HCN1: variants seen among roughly 807,000 people sequenced by gnomAD.
The protein encoded by HCN1 is potassium/sodium hyperpolarization-activated cyclic nucleotide-gated channel 1.
Under a neutral mutation model 78.9 loss-of-function variants are expected in HCN1, and 13 were observed. That is an observed-to-expected ratio of 0.16 (90% confidence interval 0.11 to 0.26). The LOEUF is 0.26. Ranked by LOEUF, HCN1 falls within the 10% of genes least tolerant of loss-of-function variation. The probability of loss-of-function intolerance (pLI) is 1.00; values close to 1 mark genes in which losing one functional copy is unlikely to be tolerated. For missense variants in HCN1, 810 were observed against 1,154.3 expected, an observed-to-expected ratio of 0.70 and a Z score of 4.32; for synonymous variants, 552 against 455.5, an observed-to-expected ratio of 1.21 and a Z score of -2.70.
chr5:45,372,057 TAA>T, intron 4 of HCN1, among the ~76,000 whole-genome samples: 2 of 55,284 alleles, frequency 3.6e-5, no homozygotes, highest in African/African-American at 2.3e-4. Context: ...ATATATAATA[TAA>T]TTATATTATA....
chr5:45,480,174 C>G (rs1741617721), intron 2 of HCN1: 1 of 152,538 alleles, frequency 6.6e-6, no homozygotes, highest in African/African-American at 2.4e-5. Flanking sequence ...AAGTCCACAT[C>G]ACCAAATTGC....
At chr5:45,423,894 C>T (rs1362992129) in intron 3 of HCN1, among the ~76,000 whole-genome samples, 1 of 151,972 alleles carries the variant, frequency 6.6e-6, no homozygotes, top group African/African-American at 2.4e-5. Flanking sequence ...AGAGAAAGAA[C>T]TATGCTTATT....
chr5:45,450,382 A>G (rs1237067815), intron 3 of HCN1, among the ~76,000 whole-genome samples: 1 of 152,166 alleles, frequency 6.6e-6, no homozygotes, highest in East Asian at 1.9e-4. Context: ...AAGTAAGGAG[A>G]CTGTGGTCTT....
intron 4 of HCN1, 109 bp from the exon 5 acceptor site, chr5:45,353,355 A>T: frequency 2.4e-6 from 2 of 826,694 alleles, no homozygotes; most frequent in South Asian, 3.2e-5. Context: ...CAGTTACAAA[A>T]AAAAAGAAAT....
chr5:45,443,494 T>C (rs1019969604), intron 3 of HCN1, among the ~76,000 whole-genome samples: 1 of 152,074 alleles, frequency 6.6e-6, no homozygotes, highest in African/African-American at 2.4e-5. Flanking sequence ...CCTAAGTAAA[T>C]GTAATTTTAC....
intron 2 of HCN1, among the ~76,000 whole-genome samples, chr5:45,482,617 T>G (rs1422704823): frequency 6.6e-6 from 1 of 152,086 alleles, no homozygotes; most frequent in African/African-American, 2.4e-5. Flanking sequence ...TTTTTTAAAT[T>G]TCAACTTTTG....
chr5:45,402,741 TTCTC>T (rs949804725), intron 3 of HCN1, among the ~76,000 whole-genome samples: 1 of 151,004 alleles, frequency 6.6e-6, no homozygotes, highest in Admixed American at 6.6e-5. Context: ...AATATAGGCT[TTCTC>T]TCTCTCTCTC....
chr5:45,496,516 T>C (rs920692710), intron 2 of HCN1, among the ~76,000 whole-genome samples: 9 of 152,216 alleles, frequency 5.9e-5, no homozygotes, highest in Non-Finnish European at 1.0e-4. Flanking sequence ...TTTTGGTTGG[T>C]AAGCTATTGT....
chr5:45,344,847 G>A (rs1746665081), intron 5 of HCN1, among the ~76,000 whole-genome samples: 2 of 152,140 alleles, frequency 1.3e-5, no homozygotes, highest in South Asian at 2.1e-4. Flanking sequence ...GATGTTGGTG[G>A]ATCAACCATT....
chr5:45,371,507 C>A (rs1747357358), intron 4 of HCN1, among the ~76,000 whole-genome samples: 1 of 151,850 alleles, frequency 6.6e-6, no homozygotes, highest in African/African-American at 2.4e-5. Context: ...GCCTGTAATC[C>A]CAGCACTTTG....
chr5:45,565,302 T>C (rs529639308), intron 2 of HCN1, among the ~76,000 whole-genome samples: 69 of 152,292 alleles, frequency 4.5e-4, no homozygotes, highest in Middle Eastern at 3.4e-3. Context: ...TAAGCTGCCA[T>C]TATTCCTAGT....
intron 2 of HCN1, among the ~76,000 whole-genome samples, chr5:45,549,320 C>A (rs563271024): frequency 1.3e-4 from 20 of 152,136 alleles, no homozygotes; most frequent in African/African-American, 3.9e-4. Context: ...TGGAACATAA[C>A]AGAGCCCTCA....
chr5:45,264,192 A>G (rs1744808644), intron 7 of HCN1, among the ~76,000 whole-genome samples: 1 of 152,206 alleles, frequency 6.6e-6, no homozygotes, highest in African/African-American at 2.4e-5. Flanking sequence ...AGTGCATTGC[A>G]GGCTCTCAGC....
chr5:45,270,135 A>G (rs1383658294), intron 6 of HCN1, among the ~76,000 whole-genome samples: 5 of 152,224 alleles, frequency 3.3e-5, no homozygotes, highest in African/African-American at 9.6e-5. Flanking sequence ...TCTCATGATC[A>G]CAAGTTGATA....
chr5:45,480,129 C>T (rs1293221381), intron 2 of HCN1: 1 of 152,536 alleles, frequency 6.6e-6, no homozygotes, highest in African/African-American at 2.4e-5. Flanking sequence ...ATATACCTAC[C>T]CATGGTTTAT....
intron 5 of HCN1, among the ~76,000 whole-genome samples, chr5:45,352,429 A>T (rs974386508): frequency 2.6e-4 from 40 of 152,008 alleles, no homozygotes; most frequent in African/African-American, 8.9e-4. Context: ...ATGCTAAATG[A>T]CGAGTTAATG....
chr5:45,496,668 T>C (rs962178774), intron 2 of HCN1, among the ~76,000 whole-genome samples: 25 of 152,176 alleles, frequency 1.6e-4, no homozygotes, highest in Admixed American at 1.6e-3. Flanking sequence ...CCTGGATTCA[T>C]TAATTTTTTG....
At chr5:45,515,264 A>C (rs929213932) in intron 2 of HCN1, among the ~76,000 whole-genome samples, 1 of 151,982 alleles carries the variant, frequency 6.6e-6, no homozygotes, top group Non-Finnish European at 1.5e-5. Context: ...TACTTGCCCA[A>C]AGAAGCTCTC....
chr5:45,362,367 A>T (rs1479757988), intron 4 of HCN1, among the ~76,000 whole-genome samples: 2 of 152,128 alleles, frequency 1.3e-5, no homozygotes, highest in Non-Finnish European at 2.9e-5. Context: ...CACTCACAGA[A>T]GATGACTTTA....
Sources: gnomAD v4.1 joint callset for allele counts (sites outside exome capture counted in the v4.1 genomes callset) on GRCh38, gnomAD v4.1.1 for gene constraint, MANE v1.5 for transcripts, NCBI Gene and HGNC (gene_info 2026-07-23, HGNC 2026-07-21) for gene names.